Variants in BMPR1B observed in about 807,000 individuals in gnomAD.
BMPR1B encodes the protein bone morphogenetic protein receptor type-1B.
BMPR1B carries 12 observed loss-of-function variants against 59.1 expected under a neutral mutation model. The observed-to-expected ratio is 0.20, with a 90% CI of 0.13 to 0.33. BMPR1B has a LOEUF of 0.33. BMPR1B is among the 10% of genes least tolerant of loss of function. The pLI, the probability that BMPR1B is intolerant of heterozygous loss-of-function variation, is 1.00. For synonymous variants in BMPR1B, 237 were observed against 207.3 expected (o/e 1.14, Z -1.23); for missense variants, 550 against 610.9 (o/e 0.90, Z 1.05).
intron 4 of BMPR1B, among the ~76,000 whole-genome samples, chr4:95,109,553 A>G (rs1446850137): frequency 2.0e-5 from 3 of 152,182 alleles, no homozygotes; most frequent in Non-Finnish European, 2.9e-5. Context: ...ACTGAATGTC[A>G]TTATAAACCA....
rs187623876 is a variant in BMPR1B, at chr4:94,932,438, T to A, written c.-113+56538T>A. Among the ~76,000 whole-genome samples, 8 of 152,308 alleles carry A rather than the reference T, an allele frequency of 5.3e-5. No homozygotes were observed. In the East Asian group the frequency reaches 1.4e-3, roughly 26 times the overall value. On this transcript the variant is annotated intron_variant, in intron 2 of 12. Transcript: ENST00000515059. ...AGTAACTGCATCTTTTGAAACACTT[T>A]AAAAAAGTTGGCAATGTTGATTCAA...
chr4:94,955,645 T>C (rs1044142895), intron 2 of BMPR1B, among the ~76,000 whole-genome samples: 2 of 151,846 alleles, frequency 1.3e-5, no homozygotes, highest in Non-Finnish European at 2.9e-5. Context: ...TTCTTTTTTT[T>C]TAAAGACAGA....
intron 3 of BMPR1B, among the ~76,000 whole-genome samples, chr4:95,075,986 A>G (rs1297119123): frequency 1.3e-5 from 2 of 152,132 alleles, no homozygotes; most frequent in East Asian, 1.9e-4. Flanking sequence ...GCATTGAACT[A>G]TGAATATCCT....
rs11327811 is a variant in BMPR1B, at chr4:94,998,375, CTTT to C, written c.-18+2254_-18+2256del. On this transcript the variant is annotated intron_variant, in intron 3 of 12. Transcript: ENST00000515059. ...TAGTAGTCCAGCTGCTACACTACTC[CTTT>C]TTTTTTTTTTTTGAGATGGAATTTC... Among the ~76,000 whole-genome samples the C allele has an allele frequency of 4.8e-3, 668 of 138,020 alleles. 4 individuals are homozygous for C. The highest frequency in any genetic ancestry group is 0.015 in the African/African-American group (588 of 38,284). The allele number at this position is 138,020 out of a possible 152,430, so 90.5% of individuals were successfully genotyped here. A position where few individuals can be genotyped will look rare whatever the true frequency, so the allele number is the denominator to read the frequency against.
intron 1 of BMPR1B, among the ~76,000 whole-genome samples, chr4:94,795,771 T>C (rs1483998347): frequency 6.6e-6 from 1 of 152,012 alleles, no homozygotes; most frequent in African/African-American, 2.4e-5. Context: ...CCTGGATTAA[T>C]GTTTAAAAGA....
At chr4:94,995,870 A>G (rs1047545139) in intron 2 of BMPR1B, 170 bp from the exon 3 acceptor site, 1 of 152,206 alleles carries the variant, frequency 6.6e-6, no homozygotes, top group African/African-American at 2.4e-5. Context: ...TGAGCAAGTA[A>G]AGCACTGAGC....
At chr4:95,078,419 A>G (rs544579149) in intron 3 of BMPR1B, among the ~76,000 whole-genome samples, 1 of 152,222 alleles carries the variant, frequency 6.6e-6, no homozygotes, top group Non-Finnish European at 1.5e-5. Context: ...ACTAACATTT[A>G]TTGGTCATTT....
intron 3 of BMPR1B, among the ~76,000 whole-genome samples, chr4:95,088,150 T>C (rs971683210): frequency 8.5e-5 from 13 of 152,220 alleles, no homozygotes; most frequent in Non-Finnish European, 1.5e-5. Flanking sequence ...TTTCTTGCAA[T>C]CTATTTAATT....
chr4:94,810,042 CAA>C (rs980626135), intron 1 of BMPR1B, among the ~76,000 whole-genome samples: 20 of 152,258 alleles, frequency 1.3e-4, no homozygotes, highest in Middle Eastern at 3.4e-3. Flanking sequence ...TGGCAATTGA[CAA>C]AGATCCAAAT....
chr4:94,983,070 G>C (rs1721195268), intron 2 of BMPR1B, among the ~76,000 whole-genome samples: 1 of 151,932 alleles, frequency 6.6e-6, no homozygotes, highest in African/African-American at 2.4e-5. Flanking sequence ...TCCATTAGCA[G>C]TTTCTTCTGC....
At chr4:94,806,102 G>T (rs530573458) in intron 1 of BMPR1B, among the ~76,000 whole-genome samples, 2 of 152,184 alleles carry the variant, frequency 1.3e-5, no homozygotes, top group Non-Finnish European at 2.9e-5. Context: ...GGGAGAACTT[G>T]TAAGTGTGGT....
At chr4:95,135,658 CTGTT>C (rs1255004339) in intron 10 of BMPR1B, among the ~76,000 whole-genome samples, 2 of 152,136 alleles carry the variant, frequency 1.3e-5, no homozygotes, top group African/African-American at 4.8e-5. Context: ...ATTTGGCTCT[CTGTT>C]TGTCTGTTAT....
chr4:94,798,363 A>AT (rs1377867375), intron 1 of BMPR1B, among the ~76,000 whole-genome samples: 2 of 152,252 alleles, frequency 1.3e-5, no homozygotes, highest in African/African-American at 4.8e-5. Context: ...CACTCCCAGT[A>AT]TTAAATGTGT....
At chr4:95,042,719 C>T (rs1725745286) in intron 3 of BMPR1B, among the ~76,000 whole-genome samples, 3 of 152,178 alleles carry the variant, frequency 2.0e-5, no homozygotes, top group African/African-American at 7.2e-5. Context: ...ATGATCCTAG[C>T]TGTCATCATT....
intron 2 of BMPR1B, among the ~76,000 whole-genome samples, chr4:94,909,431 A>C (rs568167207): frequency 6.6e-6 from 1 of 152,130 alleles, no homozygotes; most frequent in Admixed American, 6.6e-5. Context: ...GCCGTGGGTA[A>C]GGTAGTTGCT....
chr4:95,111,921 T>C (rs989143723), intron 4 of BMPR1B, among the ~76,000 whole-genome samples: 16 of 152,088 alleles, frequency 1.1e-4, no homozygotes, highest in Admixed American at 9.8e-4. Context: ...AAGACTTGCA[T>C]TATCACTGCT....
intron 3 of BMPR1B, among the ~76,000 whole-genome samples, chr4:95,060,381 C>A (rs564363155): frequency 6.6e-6 from 1 of 152,260 alleles, no homozygotes; most frequent in Non-Finnish European, 1.5e-5. Flanking sequence ...TACCCATATA[C>A]CCAGTTTAGA....
Position 94,925,700 on chromosome 4 carries a change from C to T in BMPR1B, c.-113+49800C>T, listed in dbSNP as rs17022619. On this transcript the variant is annotated intron_variant, in intron 2 of 12. Coordinates refer to ENST00000515059, the MANE Select transcript of BMPR1B (RefSeq NM_001203.3). ...GAGCTTTGAAACTTGGACATGGTAC[C>T]GGAGAGATTTTAATGGGAATTTGGA... Among the ~76,000 whole-genome samples the T allele has an allele frequency of 7.7e-3, 1,178 of 152,100 alleles. 14 individuals are homozygous for T. Among genetic ancestry groups the T allele is most frequent in the African/African-American group, 0.027 (1,104 of 41,498 alleles).
intron 2 of BMPR1B, among the ~76,000 whole-genome samples, chr4:94,887,975 G>A (rs1470859824): frequency 6.6e-6 from 1 of 151,916 alleles, no homozygotes; most frequent in Non-Finnish European, 1.5e-5. Context: ...AAAATTCTAA[G>A]GGCTAACAGG....
Sources: gnomAD v4.1 joint callset for allele counts (sites outside exome capture counted in the v4.1 genomes callset) on GRCh38, gnomAD v4.1.1 for gene constraint, MANE v1.5 for transcripts, NCBI Gene and HGNC (gene_info 2026-07-23, HGNC 2026-07-21) for gene names.